Variants in NOTCH1 observed in about 807,000 individuals in gnomAD.
NOTCH1 encodes the protein neurogenic locus notch homolog protein 1.
In NOTCH1, 37 loss-of-function variants were observed where a neutral mutation model predicts 254.8. The observed-to-expected ratio is 0.15, with a 90% CI of 0.11 to 0.19. NOTCH1 has a LOEUF of 0.19. Among genes scored for constraint, NOTCH1 ranks in the 10% least tolerant of loss-of-function variants. The probability of loss-of-function intolerance (pLI) is 1.00; values close to 1 mark genes in which losing one functional copy is unlikely to be tolerated. For missense variants in NOTCH1, 2,972 were observed against 3,708.6 expected (o/e 0.80, Z 5.16); for synonymous variants, 1,731 against 1,618.1 (o/e 1.07, Z -1.68).
Position 136,513,162 on chromosome 9 carries a change from T to C in NOTCH1, c.2354-28A>G, listed in dbSNP as rs78111452. 6.7e-4 allele frequency: 1,056 copies of C among 1,578,426 alleles called. 15 individuals carry two copies. In the African/African-American group the frequency reaches 0.012, roughly 18 times the overall value. On this transcript the variant is annotated intron_variant, in intron 14 of 33. Transcript: ENST00000651671. The surrounding 1 kb of genome is among the most constrained non-coding windows in gnomAD (Gnocchi z 4.7). ...GGAGGGAAGGGGACAGCACTCGGCATGTCCAGCACTCCCAGGCACCTTGGC... is the reference window on the plus strand; with the variant it reads ...GGAGGGAAGGGGACAGCACTCGGCACGTCCAGCACTCCCAGGCACCTTGGC...
intron 10 of NOTCH1, 52 bp from the exon 11 acceptor site, chr9:136,515,768 G>A (rs942330358): frequency 3.2e-5 from 48 of 1,488,518 alleles, no homozygotes; most frequent in Non-Finnish European, 4.2e-5. Context: ...GCGGCCCCCG[G>A]GACACCCATG....
rs11574873 is a variant in NOTCH1, at chr9:136,522,869, G to A, written c.723C>T (p.His241=). The change falls in exon 4 of 34, where the codon CAC becomes CAT. Residue 241 remains histidine (H), a synonymous_variant. Transcript: ENST00000651671. ...GTCRPTGDVT[H]ECACLPGFTG... ...CACTACCTGGCAGGCAGGCACACTC[G>A]TGGGTGACGTCGCCCGTGGGGCGGC... 1.1e-5 allele frequency: 17 copies of A among 1,512,664 alleles called. No homozygotes were observed. In the East Asian group the frequency reaches 1.2e-4, roughly 11 times the overall value. 93.7% of individuals were successfully genotyped at this position (1,512,664 alleles called of 1,614,324 possible).
rs61751547 is a variant in NOTCH1 at position 136,510,669 on chromosome 9, G to T, written c.2724C>A (p.Ile908=). The change falls in exon 17 of 34, where the codon ATC becomes ATA. Residue 908 remains isoleucine, a synonymous_variant. Coordinates refer to ENST00000651671, the MANE Select transcript of NOTCH1 (RefSeq NM_017617.5). ...GYSGRNCETD[I]DDCRPNPCHN... Reference sequence around the variant, plus strand: ...GCTACTCACTGGGCCGGCAGTCGTCGATGTCGGTCTCGCAGTTGCGCCCAC... The same window carrying T: ...GCTACTCACTGGGCCGGCAGTCGTCTATGTCGGTCTCGCAGTTGCGCCCAC... 6.2e-7 allele frequency: 1 copy of T among 1,607,952 alleles called. No homozygotes were observed.
intron 4 of NOTCH1, among the ~76,000 whole-genome samples, chr9:136,520,877 C>T (rs1355256804): frequency 6.6e-6 from 1 of 152,222 alleles, no homozygotes; most frequent in Non-Finnish European, 1.5e-5. Flanking sequence ...GGCTGAGGCA[C>T]ACAGTGGGGG....
At chr9:136,514,783 G>A in intron 12 of NOTCH1, 81 bp from the exon 13 acceptor site, 2 of 1,377,138 alleles carry the variant, frequency 1.5e-6, no homozygotes, top group South Asian at 2.5e-5. Flanking sequence ...CCTGTCTGTT[G>A]AGCCGGGGCG....
chr9:136,542,544 CAAAA>C (rs1174860714), intron 2 of NOTCH1, among the ~76,000 whole-genome samples: 1 of 52,506 alleles, frequency 1.9e-5, no homozygotes, highest in Admixed American at 2.0e-4. Context: ...CCCCAAAAAG[CAAAA>C]AAAAAAAAAA....
At chr9:136,501,255 G>A (rs1564188142) in intron 30 of NOTCH1, among the ~76,000 whole-genome samples, 1 of 152,128 alleles carries the variant, frequency 6.6e-6, no homozygotes. Flanking sequence ...CCAACATGGT[G>A]AAACCCCATC....
Position 136,515,285 on chromosome 9 carries a change from C to T in NOTCH1, c.2014+5G>A. ...CAGTCAGCCCCCACGTGCAGGGCCG[C>T]TCACCTGTGTAGCCCGGCTCACAGG... is the stretch of plus-strand genomic sequence containing the variant. On this transcript the variant is annotated splice_donor_5th_base_variant and intron_variant, in intron 12 of 33. Transcript: ENST00000651671. 1 of 1,612,182 alleles carries T rather than the reference C, an allele frequency of 6.2e-7. No individual in the cohort carries two copies. The highest frequency in any genetic ancestry group is 8.5e-7 in the Non-Finnish European group (1 of 1,179,402).
chr9:136,544,567 G>C (rs1251845876), intron 1 of NOTCH1, among the ~76,000 whole-genome samples: 3 of 152,074 alleles, frequency 2.0e-5, no homozygotes, highest in Admixed American at 6.5e-5. Flanking sequence ...ACGGGGGGAG[G>C]GGGGGTGGCC....
intron 2 of NOTCH1, among the ~76,000 whole-genome samples, chr9:136,524,481 G>A (rs1032646871): frequency 6.6e-6 from 1 of 152,194 alleles, no homozygotes; most frequent in East Asian, 1.9e-4. Context: ...GGGTCTGCAG[G>A]CCTATCTGCT....
chr9:136,518,419 G>A (rs1342834114), intron 6 of NOTCH1, 127 bp from the exon 7 acceptor site: 14 of 1,328,636 alleles, frequency 1.1e-5, no homozygotes, highest in Admixed American at 2.0e-5. Context: ...CGGGCATCCC[G>A]TGACACTTGG....
At position 136,506,830 on chromosome 9, in the gene NOTCH1, G is replaced by A. The variant is rs1415111675; in HGVS notation, c.3787C>T (p.Arg1263Cys). Residue 1263 changes from arginine to cysteine, a missense_variant, in exon 23 of 34, where the codon CGC becomes TGC. Physicochemically the swap from Arg to Cys is radical, Grantham distance 180. Coordinates refer to ENST00000651671, the MANE Select transcript of NOTCH1 (RefSeq NM_017617.5). The surrounding 1 kb of genome is among the most constrained non-coding windows in gnomAD (Gnocchi z 4.5). ...CTCPPGFVGE[R>C]CEGDVNECLS... is the part of the protein sequence containing the mutation. Reference sequence around the variant, plus strand: ...CACTCGTTGACATCCCCCTCACAGCGCTCACCCACGAAGCCCGGCGGGCAG... The same window carrying A: ...CACTCGTTGACATCCCCCTCACAGCACTCACCCACGAAGCCCGGCGGGCAG... 5.6e-6 allele frequency: 9 copies of A among 1,611,928 alleles called. No homozygotes were observed. The highest frequency in any genetic ancestry group is 2.2e-5 in the East Asian group (1 of 44,834).
At chr9:136,501,358 C>T (rs575510234) in intron 30 of NOTCH1, among the ~76,000 whole-genome samples, 1 of 151,376 alleles carries the variant, frequency 6.6e-6, no homozygotes, top group South Asian at 2.1e-4. Flanking sequence ...TGCTTGAACC[C>T]GAGAGGTGGA....
At chr9:136,544,827 C>A (rs999642352) in intron 1 of NOTCH1, among the ~76,000 whole-genome samples, 1 of 152,064 alleles carries the variant, frequency 6.6e-6, no homozygotes, top group Non-Finnish European at 1.5e-5. Flanking sequence ...GTCCCCCATT[C>A]GGAAGGAATT....
At position 136,506,644 on chromosome 9, in the gene NOTCH1, G is replaced by A. The variant is rs1370033409; in HGVS notation, c.3902-5C>T. On this transcript the variant is annotated splice_region_variant and splice_polypyrimidine_tract_variant and intron_variant, in intron 23 of 33. Coordinates refer to ENST00000651671, the MANE Select transcript of NOTCH1 (RefSeq NM_017617.5). This position sits in a 1 kb window ranked among gnomAD's most constrained non-coding sequence, Gnocchi z 4.5. ...TGACGGACTCGCAGCGGCGCCCTAG[G>A]GGTAAGAGCAGGGCAGTGAGAGGCT... 3 of 1,604,130 alleles carry A rather than the reference G, an allele frequency of 1.9e-6. No homozygotes were observed. The highest frequency in any genetic ancestry group is 2.6e-6 in the Non-Finnish European group (3 of 1,176,160).
chr9:136,527,898 C>A (rs946313694), intron 2 of NOTCH1, among the ~76,000 whole-genome samples: 2 of 152,156 alleles, frequency 1.3e-5, no homozygotes, highest in African/African-American at 4.8e-5. Context: ...ACCTCTACCG[C>A]CACCACTTTG....
rs1842901644 is a variant in NOTCH1 at position 136,495,490 on chromosome 9, A to G, written c.*581T>C. 2.5e-6 allele frequency: 1 copy of G among 399,386 alleles called. No homozygotes were observed. The highest frequency in any genetic ancestry group is 4.4e-6 in the Non-Finnish European group (1 of 226,654). 24.7% of individuals were successfully genotyped at this position (399,386 alleles called of 1,614,324 possible). Reference sequence around the variant, plus strand: ...TTCACTTGTTTCCTATTTCAGATGCAAATTAATCCGCGTGCGGAAGGTGAG... The same window carrying G: ...TTCACTTGTTTCCTATTTCAGATGCGAATTAATCCGCGTGCGGAAGGTGAG... On this transcript the variant is annotated 3_prime_UTR_variant, in exon 34 of 34. Coordinates refer to ENST00000651671, the MANE Select transcript of NOTCH1 (RefSeq NM_017617.5).
rs1354335861 is a variant in NOTCH1, at chr9:136,506,052, A to G, written c.4015-171T>C. Among the ~76,000 whole-genome samples the G allele has an allele frequency of 6.6e-6, 1 of 152,168 alleles. No homozygotes were observed. The highest frequency in any genetic ancestry group is 2.4e-5 in the African/African-American group (1 of 41,438). On this transcript the variant is annotated intron_variant, in intron 24 of 33. Coordinates refer to ENST00000651671, the MANE Select transcript of NOTCH1 (RefSeq NM_017617.5). The surrounding 1 kb of genome is among the most constrained non-coding windows in gnomAD (Gnocchi z 4.5). ...TTTACACACATTCTACCAACAGAGA[A>G]AGATCGGGGGTGCCAGGGGGTCGGG...
At chr9:136,523,223 T>C (rs751585478) in intron 3 of NOTCH1, 35 bp from the exon 4 acceptor site, 13 of 1,559,584 alleles carry the variant, frequency 8.3e-6, no homozygotes, top group Non-Finnish European at 1.0e-5. Flanking sequence ...CGTGCTGGCC[T>C]CACTGCTCCC....
Sources: allele counts gnomAD v4.1 joint callset (sites outside exome capture counted in the v4.1 genomes callset), GRCh38; gene constraint gnomAD v4.1.1; non-coding constraint Gnocchi (gnomAD v3.1); transcripts MANE v1.5; gene names NCBI Gene and HGNC (gene_info 2026-07-23, HGNC 2026-07-21).